The following ACSF3 variants were observed in gnomAD, a reference collection of about 807,000 sequenced individuals.
ACSF3 encodes the protein malonate--CoA ligase ACSF3, mitochondrial.
In ACSF3, 78 loss-of-function variants were observed where a neutral mutation model predicts 53.2. That is an observed-to-expected ratio of 1.47 (90% CI 1.22 to 1.77). The LOEUF is 1.77. Ranked by LOEUF, ACSF3 falls within the 40% of genes most tolerant of loss-of-function variation. ACSF3 has a pLI of 0.00. For missense variants in ACSF3, 937 were observed against 771.1 expected, an observed-to-expected ratio of 1.22 and a Z score of -2.55; for synonymous variants, 414 against 333.1, an observed-to-expected ratio of 1.24 and a Z score of -2.65.
At chr16:89,142,756 C>G (rs773250696) in intron 8 of ACSF3, among the ~76,000 whole-genome samples, 2 of 151,580 alleles carry the variant, frequency 1.3e-5, no homozygotes, top group Non-Finnish European at 2.9e-5. Context: ...CCTGCAGAGA[C>G]ACACCCACAC....
chr16:89,103,624 CGT>C (rs1567689513), intron 4 of ACSF3, among the ~76,000 whole-genome samples: 1 of 152,192 alleles, frequency 6.6e-6, no homozygotes, highest in East Asian at 1.9e-4. Flanking sequence ...GGGTGTAGGG[CGT>C]AGGGCGTGAC....
rs115226580 is a variant in ACSF3 at position 89,107,892 on chromosome 16, G to A, written c.823-4200G>A. On this transcript the variant is annotated intron_variant, in intron 4 of 10. Transcript: ENST00000614302. ...TGGTACCAATTTACTGTATTAGTCC[G>A]TGTGCACACTACTGATAAAGACATA... Among the ~76,000 whole-genome samples the A allele has an allele frequency of 3.6e-3, 548 of 152,226 alleles. 6 individuals carry two copies. Among genetic ancestry groups the A allele is most frequent in the African/African-American group, 0.012 (515 of 41,536 alleles).
intron 7 of ACSF3, among the ~76,000 whole-genome samples, chr16:89,130,111 C>T (rs1408760724): frequency 6.6e-6 from 1 of 152,260 alleles, no homozygotes; most frequent in African/African-American, 2.4e-5. Flanking sequence ...ATACCAGTTT[C>T]TTTCTGTCTG....
intron 10 of ACSF3, chr16:89,148,964 C>G (rs978578395): frequency 6.6e-6 from 1 of 152,216 alleles, no homozygotes; most frequent in Admixed American, 6.5e-5. Context: ...GAATTCCTCC[C>G]CAGAAAATTG....
intron 10 of ACSF3, chr16:89,148,101 G>GTTTTTTTTTTTTTT (rs71158780): frequency 8.5e-6 from 1 of 117,666 alleles, no homozygotes; most frequent in Non-Finnish European, 1.7e-5. Flanking sequence ...TTCTTTTTTG[G>GTTTTTTTTTTTTTT]TTTTTTTTTT....
chr16:89,102,987 G>A (rs573439198), intron 4 of ACSF3, among the ~76,000 whole-genome samples: 31 of 152,234 alleles, frequency 2.0e-4, no homozygotes, highest in Non-Finnish European at 3.2e-4. Flanking sequence ...CTGTACCTAC[G>A]ATGCTTTTTG....
At chr16:89,124,350 T>C (rs906000754) in intron 7 of ACSF3, among the ~76,000 whole-genome samples, 2 of 150,828 alleles carry the variant, frequency 1.3e-5, no homozygotes, top group Non-Finnish European at 3.0e-5. Context: ...CATGTATGTG[T>C]GTGATACCCC....
Position 89,154,955 on chromosome 16 carries a change from C to G in ACSF3, c.*748C>G, listed in dbSNP as rs932754794. On this transcript the variant is annotated 3_prime_UTR_variant, in exon 11 of 11. Coordinates refer to ENST00000614302, the MANE Select transcript of ACSF3 (RefSeq NM_001243279.3). ...CAGCCCCTCAGCCGGTGAACCCTCT[C>G]TCCCATCACCGTCTCCACCCAGACC... 4.4e-6 allele frequency: 2 copies of G among 453,894 alleles called. No homozygotes were observed. Among genetic ancestry groups the G allele is most frequent in the East Asian group, 6.9e-5 (1 of 14,400 alleles). 28.1% of individuals were successfully genotyped at this position (453,894 alleles called of 1,614,324 possible).
chr16:89,150,616 C>T (rs762094555), intron 10 of ACSF3: 1 of 246,234 alleles, frequency 4.1e-6, no homozygotes, highest in Non-Finnish European at 8.0e-6. Flanking sequence ...TGACAAGACC[C>T]TAAGACGGGA....
intron 4 of ACSF3, among the ~76,000 whole-genome samples, chr16:89,103,695 A>G (rs1975641043): frequency 6.6e-6 from 1 of 152,232 alleles, no homozygotes; most frequent in Non-Finnish European, 1.5e-5. Context: ...GTACTGGCCC[A>G]GCTGGAGAGC....
At chr16:89,111,957 G>T (rs1453238112) in intron 4 of ACSF3, 135 bp from the exon 5 acceptor site, 1 of 452,958 alleles carries the variant, frequency 2.2e-6, no homozygotes, top group Non-Finnish European at 3.6e-6. Context: ...AGAGTTTGAG[G>T]CACCCCTTTT....
chr16:89,147,251 G>T (rs1472405956), intron 10 of ACSF3, among the ~76,000 whole-genome samples: 57 of 88,776 alleles, frequency 6.4e-4, no homozygotes, highest in African/African-American at 8.2e-4. Context: ...GGAGGGAGGG[G>T]TCACAGAGTG....
intron 4 of ACSF3, among the ~76,000 whole-genome samples, chr16:89,111,818 A>G (rs1976707311): frequency 6.6e-6 from 1 of 152,168 alleles, no homozygotes; most frequent in Admixed American, 6.5e-5. Context: ...TAGCTGGAAG[A>G]GCCTGACCAC....
intron 4 of ACSF3, among the ~76,000 whole-genome samples, chr16:89,104,453 C>T (rs8056882): frequency 0.7 from 106,824 of 151,840 alleles, 38,181 homozygotes; most frequent in Admixed American, 0.77. Context: ...ACTCACCGCT[C>T]TTGCCAGGAC....
intron 7 of ACSF3, among the ~76,000 whole-genome samples, chr16:89,121,270 G>A (rs766676305): frequency 6.6e-6 from 1 of 152,258 alleles, no homozygotes; most frequent in African/African-American, 2.4e-5. Flanking sequence ...AGCAGAGGCC[G>A]TTGTTGTTGA....
intron 6 of ACSF3, among the ~76,000 whole-genome samples, chr16:89,117,320 C>T (rs774923672): frequency 2.0e-5 from 3 of 152,346 alleles, no homozygotes; most frequent in South Asian, 4.1e-4. Flanking sequence ...AGCCTGCCCA[C>T]GGTCACGCGG....
rs926466002 is a variant in ACSF3 at position 89,154,567 on chromosome 16, A to AATAT, written c.*361_*362insTATA. The AATAT allele has an allele frequency of 2.1e-6, 1 of 470,536 alleles. No homozygotes were observed. The highest frequency in any genetic ancestry group is 4.2e-6 in the Non-Finnish European group (1 of 238,976). The allele number at this position is 470,536 out of a possible 1,614,324, so 29.1% of individuals were successfully genotyped here. A position where few individuals can be genotyped will look rare whatever the true frequency, so the allele number is the denominator to read the frequency against. ...TCCCAGAGGTTTCCCACAAAAAACA[A>AATAT]AGACTCCACTGGAGGAAACAAGCCC... On this transcript the variant is annotated 3_prime_UTR_variant, in exon 11 of 11. Coordinates refer to ENST00000614302, the MANE Select transcript of ACSF3 (RefSeq NM_001243279.3).
intron 7 of ACSF3, among the ~76,000 whole-genome samples, chr16:89,123,758 C>G (rs75592427): frequency 0.026 from 3,999 of 152,264 alleles, 142 homozygotes; most frequent in East Asian, 0.13. Context: ...GGGAGGACAC[C>G]TTCCCAGGAT....
Position 89,093,890 on chromosome 16 carries a change from C to T in ACSF3, c.-300C>T, listed in dbSNP as rs1974296567. The T allele has an allele frequency of 6.2e-6, 2 of 324,008 alleles. No individual in the cohort carries two copies. Among genetic ancestry groups the T allele is most frequent in the African/African-American group, 4.5e-5 (2 of 44,802 alleles). 20.1% of individuals were successfully genotyped at this position (324,008 alleles called of 1,614,324 possible). ...ACTGGTCCGGCCCGACTCACGACCCCGCGGGACCCGGCCGGAACCCGGCCC... is the reference window on the plus strand; with the variant it reads ...ACTGGTCCGGCCCGACTCACGACCCTGCGGGACCCGGCCGGAACCCGGCCC... On this transcript the variant is annotated 5_prime_UTR_variant, in exon 1 of 11. Transcript: ENST00000614302.
Sources: allele counts gnomAD v4.1 joint callset (sites outside exome capture counted in the v4.1 genomes callset), GRCh38; gene constraint gnomAD v4.1.1; transcripts MANE v1.5; gene names NCBI Gene and HGNC (gene_info 2026-07-23, HGNC 2026-07-21).